The following GRAMD2B variants were observed in gnomAD, a reference collection of about 807,000 sequenced individuals.
GRAMD2B encodes the protein GRAM domain containing 2B.
GRAMD2B carries 41 observed loss-of-function variants against 59.2 expected under a neutral mutation model. That is an observed-to-expected ratio of 0.69 (90% CI 0.54 to 0.90). The LOEUF (loss-of-function observed/expected upper bound fraction) is 0.90. Ranked by LOEUF, GRAMD2B falls within the 40% of genes least tolerant of loss-of-function variation. The pLI is 0.00. For synonymous variants in GRAMD2B, 161 were observed against 182.7 expected (o/e 0.88, Z 0.96); for missense variants, 424 against 500.5 (o/e 0.85, Z 1.46).
intron 1 of GRAMD2B, among the ~76,000 whole-genome samples, chr5:126,463,499 C>T (rs1767738594): frequency 6.6e-6 from 1 of 152,124 alleles, no homozygotes; most frequent in South Asian, 2.1e-4. Flanking sequence ...TTAATAAAGT[C>T]CAATTATTAT....
intron 1 of GRAMD2B, among the ~76,000 whole-genome samples, chr5:126,451,682 A>T (rs1341982021): frequency 1.3e-5 from 2 of 152,130 alleles, no homozygotes; most frequent in African/African-American, 4.8e-5. Flanking sequence ...TGTGAGGACG[A>T]GATGTGGGGG....
At position 126,451,442 on chromosome 5, in the gene GRAMD2B, G is replaced by A. The variant is rs183587419; in HGVS notation, c.84-13984G>A. Reference sequence around the variant, plus strand: ...GACTGCCTTGCTGGGTTTCAGACCTGTGTGGGGCCTGCTTCCCCTTTCTTT... The same window carrying A: ...GACTGCCTTGCTGGGTTTCAGACCTATGTGGGGCCTGCTTCCCCTTTCTTT... On this transcript the variant is annotated intron_variant, in intron 1 of 13. Transcript: ENST00000285689. Among the ~76,000 whole-genome samples the A allele has an allele frequency of 3.7e-3, 564 of 152,292 alleles. 3 individuals carry two copies. Among genetic ancestry groups the A allele is most frequent in the African/African-American group, 0.013 (539 of 41,574 alleles).
chr5:126,371,553 C>T, exon 1 of GRAMD2B: 1 of 1,288,712 alleles, frequency 7.8e-7, no homozygotes, highest in Non-Finnish European at 1.0e-6. Context: ...ACAGCCCCAG[C>T]TCGGTGTTCC....
At chr5:126,441,026 A>G (rs1319035370) in intron 1 of GRAMD2B, among the ~76,000 whole-genome samples, 2 of 152,154 alleles carry the variant, frequency 1.3e-5, no homozygotes, top group Non-Finnish European at 2.9e-5. Context: ...GTTAAAAATG[A>G]TGATATTCTC....
intron 1 of GRAMD2B, among the ~76,000 whole-genome samples, chr5:126,429,795 G>T (rs904478462): frequency 1.3e-5 from 2 of 152,224 alleles, no homozygotes; most frequent in African/African-American, 2.4e-5. Flanking sequence ...GCATTTCTTT[G>T]AATCTAACCA....
chr5:126,401,560 CAGTT>C (rs1197364093), intron 1 of GRAMD2B, among the ~76,000 whole-genome samples: 1 of 151,824 alleles, frequency 6.6e-6, no homozygotes, highest in Non-Finnish European at 1.5e-5. Flanking sequence ...TTTGAAGAAT[CAGTT>C]AGCTCCTCCA....
At chr5:126,420,481 A>G (rs1014631389), upstream of GRAMD2B, among the ~76,000 whole-genome samples, 2 of 152,168 alleles carry the variant, frequency 1.3e-5, no homozygotes, top group African/African-American at 2.4e-5. Context: ...TATTTTCCCT[A>G]CCAGCCCTGC....
At chr5:126,477,261 A>T (rs1006098757) in intron 5 of GRAMD2B, among the ~76,000 whole-genome samples, 1 of 152,222 alleles carries the variant, frequency 6.6e-6, no homozygotes, top group African/African-American at 2.4e-5. Flanking sequence ...CAGATTTTCT[A>T]TCCAGTGATG....
upstream of GRAMD2B, among the ~76,000 whole-genome samples, chr5:126,422,986 A>G (rs1759908568): frequency 6.8e-6 from 1 of 147,468 alleles, no homozygotes; most frequent in South Asian, 2.2e-4. Context: ...TACCTTTGTT[A>G]TTCCCACATA....
At chr5:126,381,023 T>A (rs137862459) in intron 1 of GRAMD2B, among the ~76,000 whole-genome samples, 1 of 152,316 alleles carries the variant, frequency 6.6e-6, no homozygotes, top group East Asian at 1.9e-4. Context: ...TTCAGTATAA[T>A]GTTGGCTGGT....
At chr5:126,433,588 C>G (rs1761937196) in intron 1 of GRAMD2B, 1 of 152,214 alleles carries the variant, frequency 6.6e-6, no homozygotes, top group African/African-American at 2.4e-5. Flanking sequence ...TGTGCTTTCT[C>G]TGTATTGTTA....
intron 1 of GRAMD2B, among the ~76,000 whole-genome samples, chr5:126,394,355 A>G (rs1453682640): frequency 2.0e-5 from 3 of 152,166 alleles, no homozygotes; most frequent in Non-Finnish European, 2.9e-5. Flanking sequence ...AAAGTAGGGC[A>G]TGAGTATCAG....
chr5:126,410,161 T>G (rs1203178288), intron 1 of GRAMD2B, among the ~76,000 whole-genome samples: 1 of 152,180 alleles, frequency 6.6e-6, no homozygotes, highest in Non-Finnish European at 1.5e-5. Context: ...AGGATTGACT[T>G]AGCAATGCGG....
chr5:126,382,695 T>G (rs184362800), intron 1 of GRAMD2B, among the ~76,000 whole-genome samples: 72 of 152,336 alleles, frequency 4.7e-4, no homozygotes, highest in Admixed American at 1.0e-3. Context: ...TTCTGGCAAT[T>G]CAGAGATTTC....
chr5:126,422,964 G>A (rs552244159), upstream of GRAMD2B, among the ~76,000 whole-genome samples: 1 of 148,004 alleles, frequency 6.8e-6, no homozygotes, highest in Admixed American at 6.8e-5. Flanking sequence ...ACCACCAAAG[G>A]CAACTACTTA....
intron 1 of GRAMD2B, among the ~76,000 whole-genome samples, chr5:126,416,529 CA>C (rs1043302658): frequency 7.2e-5 from 11 of 152,148 alleles, no homozygotes; most frequent in Admixed American, 6.5e-4. Flanking sequence ...ACATGACCAA[CA>C]AGGTTCTTGT....
intron 1 of GRAMD2B, among the ~76,000 whole-genome samples, chr5:126,452,731 C>T (rs1765591195): frequency 6.6e-6 from 1 of 152,096 alleles, no homozygotes; most frequent in Non-Finnish European, 1.5e-5. Context: ...AGTAGTAGAA[C>T]CTTTTATGAC....
intron 1 of GRAMD2B, among the ~76,000 whole-genome samples, chr5:126,436,508 C>T (rs552267758): frequency 3.6e-4 from 55 of 152,158 alleles, no homozygotes; most frequent in Non-Finnish European, 4.0e-4. Flanking sequence ...AGAAATTAGA[C>T]GGGTGCAGTG....
rs114324224 is a variant in GRAMD2B, at chr5:126,377,148, T to C, written c.125+5581T>C. 3.9e-3 allele frequency among the ~76,000 whole-genome samples: 577 copies of C among 148,030 alleles called. 1 individual carries two copies. Among genetic ancestry groups the C allele is most frequent in the African/African-American group, 0.013 (515 of 39,830 alleles). ...TATCTAGTTGCCAGGCTGTTGAACA[T>C]GCTGGAAGTCCTCTTTGATGGCCTC... On this transcript the variant is annotated intron_variant, in intron 1 of 8. Coordinates refer to the GRAMD2B transcript ENST00000506445.
Sources: gnomAD v4.1 joint callset for allele counts (sites outside exome capture counted in the v4.1 genomes callset) on GRCh38, gnomAD v4.1.1 for gene constraint, MANE v1.5 for transcripts, NCBI Gene and HGNC (gene_info 2026-07-23, HGNC 2026-07-21) for gene names.